Variants in BCL2 observed in about 807,000 individuals in gnomAD.
BCL2 encodes apoptosis regulator Bcl-2.
BCL2 carries 1 observed loss-of-function variant against 14.2 expected under a neutral mutation model. That is an observed-to-expected ratio of 0.07 (90% CI 0.02 to 0.33). The LOEUF is 0.33. Among genes scored for constraint, BCL2 ranks in the 10% least tolerant of loss-of-function variants. The pLI is 0.99. For missense variants in BCL2, 247 were observed against 305.9 expected, an observed-to-expected ratio of 0.81 and a Z score of 1.44; for synonymous variants, 151 against 137.2, an observed-to-expected ratio of 1.10 and a Z score of -0.70.
chr18:63,134,513 G>A (rs1357955621), intron 2 of BCL2, among the ~76,000 whole-genome samples: 1 of 152,120 alleles, frequency 6.6e-6, no homozygotes, highest in Non-Finnish European at 1.5e-5. Context: ...TTCAGGCCCC[G>A]AGCTCAGTGT....
At chr18:63,191,362 C>T (rs1311768304) in intron 2 of BCL2, among the ~76,000 whole-genome samples, 1 of 152,222 alleles carries the variant, frequency 6.6e-6, no homozygotes, top group Non-Finnish European at 1.5e-5. Context: ...TTGCCAGCAT[C>T]TGTTGTTTTT....
At chr18:63,189,085 T>C (rs927468366) in intron 2 of BCL2, among the ~76,000 whole-genome samples, 12 of 148,334 alleles carry the variant, frequency 8.1e-5, no homozygotes, top group Admixed American at 2.7e-4. Context: ...CTTGTAGAAG[T>C]GAAATTACCA....
intron 2 of BCL2, among the ~76,000 whole-genome samples, chr18:63,169,315 C>CTTT (rs1568222499): frequency 1.4e-4 from 5 of 35,400 alleles, no homozygotes; most frequent in African/African-American, 2.2e-4. Flanking sequence ...TTTCTTCCTT[C>CTTT]CTTCCTTCTT....
chr18:63,180,918 C>T (rs557299923), intron 2 of BCL2, among the ~76,000 whole-genome samples: 1 of 152,354 alleles, frequency 6.6e-6, no homozygotes, highest in Admixed American at 6.5e-5. Context: ...AACATTCCCA[C>T]AATGCCCAGT....
At chr18:63,230,075 T>C (rs1271467050) in intron 2 of BCL2, among the ~76,000 whole-genome samples, 1 of 152,048 alleles carries the variant, frequency 6.6e-6, no homozygotes, top group Admixed American at 6.5e-5. Context: ...ACCCAATAAA[T>C]AGAGAATGCA....
intron 2 of BCL2, among the ~76,000 whole-genome samples, chr18:63,133,872 A>G (rs1296594291): frequency 6.6e-6 from 1 of 152,240 alleles, no homozygotes; most frequent in East Asian, 1.9e-4. Context: ...ATTATGTATA[A>G]TAGCATAAAC....
chr18:63,257,438 C>T (rs1911512299), intron 2 of BCL2, among the ~76,000 whole-genome samples: 1 of 152,160 alleles, frequency 6.6e-6, no homozygotes, highest in African/African-American at 2.4e-5. Flanking sequence ...TGTCATTTTT[C>T]AAATGGTATA....
At chr18:63,296,571 G>A (rs539774648) in intron 2 of BCL2, among the ~76,000 whole-genome samples, 11 of 152,208 alleles carry the variant, frequency 7.2e-5, no homozygotes, top group East Asian at 3.9e-4. Context: ...CCCACAGTGC[G>A]GGGATTACAG....
chr18:63,141,342 C>T (rs982667097), intron 2 of BCL2, among the ~76,000 whole-genome samples: 2 of 152,182 alleles, frequency 1.3e-5, no homozygotes, highest in African/African-American at 2.4e-5. Flanking sequence ...TTCCATCCGC[C>T]ACTTCTCCAC....
At position 63,318,933 on chromosome 18, in the gene BCL2, A is replaced by G. The variant is rs1410846484; in HGVS notation, c.-267T>C. ...ATTATTAGTAAGTATTGTTAATATCAGTCTACTTCCTCTGTGATGCTGAAA... is the reference window on the plus strand; with the variant it reads ...ATTATTAGTAAGTATTGTTAATATCGGTCTACTTCCTCTGTGATGCTGAAA... On this transcript the variant is annotated 5_prime_UTR_variant, in exon 2 of 3. The change abolishes the stop of an existing upstream ORF in the 5' untranslated region. Coordinates refer to ENST00000333681, the MANE Select transcript of BCL2 (RefSeq NM_000633.3). The surrounding 1 kb of genome is among the most constrained non-coding windows in gnomAD (Gnocchi z 7.4). 2 of 1,364,134 alleles carry G rather than the reference A, an allele frequency of 1.5e-6. No individual in the cohort carries two copies. The highest frequency in any genetic ancestry group is 1.9e-6 in the Non-Finnish European group (2 of 1,052,826). The allele number at this position is 1,364,134 out of a possible 1,614,324, so 84.5% of individuals were successfully genotyped here.
intron 2 of BCL2, among the ~76,000 whole-genome samples, chr18:63,231,958 C>T (rs1051080354): frequency 6.6e-6 from 1 of 151,818 alleles, no homozygotes; most frequent in African/African-American, 2.4e-5. Flanking sequence ...AAAATTAAGA[C>T]ACTATAGTAT....
At chr18:63,289,364 T>C (rs981008474) in intron 2 of BCL2, among the ~76,000 whole-genome samples, 2 of 152,086 alleles carry the variant, frequency 1.3e-5, no homozygotes, top group Non-Finnish European at 2.9e-5. Flanking sequence ...GAAGGTGAGA[T>C]CAGATCTGGG....
At chr18:63,297,831 C>T (rs984900190) in intron 2 of BCL2, among the ~76,000 whole-genome samples, 2 of 152,158 alleles carry the variant, frequency 1.3e-5, no homozygotes, top group African/African-American at 2.4e-5. Flanking sequence ...CTTCGCAAGC[C>T]ACCTTTAACC....
intron 2 of BCL2, among the ~76,000 whole-genome samples, chr18:63,270,027 T>C (rs960372617): frequency 6.6e-6 from 1 of 152,154 alleles, no homozygotes; most frequent in Non-Finnish European, 1.5e-5. Flanking sequence ...AAAGTGCTCA[T>C]TATACTCAAC....
intron 2 of BCL2, among the ~76,000 whole-genome samples, chr18:63,251,459 C>T (rs909668148): frequency 2.0e-5 from 3 of 151,776 alleles, no homozygotes; most frequent in Non-Finnish European, 2.9e-5. Context: ...CCGGCTAACA[C>T]GGTGAAACCC....
intron 2 of BCL2, among the ~76,000 whole-genome samples, chr18:63,276,194 G>A (rs906767320): frequency 8.5e-5 from 13 of 152,176 alleles, no homozygotes; most frequent in Admixed American, 5.9e-4. Context: ...CTTGGGGGCC[G>A]AGTCCTTGCT....
Position 63,319,418 on chromosome 18 carries a change from G to A in BCL2, c.-531C>T. On this transcript the variant is annotated 5_prime_UTR_variant, in exon 1 of 3. Transcript: ENST00000333681. ...GGAATCCCAACCGGAGATCTCAAGA[G>A]CTCGAGAAAAAAAAAAGGCAGCGGC... is the stretch of plus-strand genomic sequence containing the variant. 3 of 228,608 alleles carry A rather than the reference G, an allele frequency of 1.3e-5. No individual in the cohort carries two copies. Among genetic ancestry groups the A allele is most frequent in the Non-Finnish European group, 2.6e-5 (3 of 115,330 alleles). 14.2% of individuals were successfully genotyped at this position (228,608 alleles called of 1,614,324 possible). A position where few individuals can be genotyped will look rare whatever the true frequency, so the allele number is the denominator to read the frequency against.
chr18:63,261,735 G>C (rs952417490), intron 2 of BCL2, among the ~76,000 whole-genome samples: 1 of 151,640 alleles, frequency 6.6e-6, no homozygotes, highest in Non-Finnish European at 1.5e-5. Context: ...TATAATATTG[G>C]GTTTGCCTAA....
At chr18:63,306,820 A>G (rs1913149242) in intron 2 of BCL2, among the ~76,000 whole-genome samples, 1 of 150,264 alleles carries the variant, frequency 6.7e-6, no homozygotes, top group South Asian at 2.1e-4. Flanking sequence ...ACTTTCTTAA[A>G]ATATTATGAG....
Sources: allele counts gnomAD v4.1 joint callset (sites outside exome capture counted in the v4.1 genomes callset), GRCh38; gene constraint gnomAD v4.1.1; non-coding constraint Gnocchi (gnomAD v3.1); transcripts MANE v1.5; gene names NCBI Gene and HGNC (gene_info 2026-07-23, HGNC 2026-07-21).